The following CMTM4 variants were observed in gnomAD, a reference collection of about 807,000 sequenced individuals.
The protein encoded by CMTM4 is CKLF-like MARVEL transmembrane domain-containing protein 4.
Under a neutral mutation model 19.0 loss-of-function variants are expected in CMTM4, and 8 were observed. The ratio of observed to expected loss-of-function variants is 0.42; its 90% confidence interval spans 0.25 to 0.76. CMTM4 has a LOEUF of 0.76. Among genes scored for constraint, CMTM4 ranks in the 30% least tolerant of loss-of-function variants. The pLI, the probability that CMTM4 is intolerant of heterozygous loss-of-function variation, is 0.27. For missense variants in CMTM4, 228 were observed against 290.2 expected, an observed-to-expected ratio of 0.79 and a Z score of 1.56; for synonymous variants, 106 against 121.1, an observed-to-expected ratio of 0.88 and a Z score of 0.82.
At chr16:66,653,237 G>T (rs978326675) in intron 1 of CMTM4, among the ~76,000 whole-genome samples, 1 of 152,284 alleles carries the variant, frequency 6.6e-6, no homozygotes, top group East Asian at 1.9e-4. Flanking sequence ...CTCATTGAAT[G>T]AGAAACGAGC....
rs912398828 is a variant in CMTM4, at chr16:66,616,059, C to T, written c.*5999G>A. 1.1e-4 allele frequency: 16 copies of T among 151,590 alleles called. No individual in the cohort carries two copies. The highest frequency in any genetic ancestry group is 6.6e-4 in the Admixed American group (10 of 15,236). The allele number at this position is 151,590 out of a possible 1,614,324, so 9.4% of individuals were successfully genotyped here. ...TTTTTTTTCTTCTTTAAAATACATA[C>T]GAAGTGTAAAGAGAAAATGGCCAAA... On this transcript the variant is annotated 3_prime_UTR_variant, in exon 4 of 4. Coordinates refer to ENST00000394106, the MANE Select transcript of CMTM4 (RefSeq NM_181521.3).
At chr16:66,608,654 G>A in the CMTM4 span, among the ~76,000 whole-genome samples, 13 of 152,220 alleles carry the variant, frequency 8.5e-5, no homozygotes, top group Non-Finnish European at 1.9e-4. This position sits in a 1 kb window ranked among gnomAD's most constrained non-coding sequence, Gnocchi z 5.1. Flanking sequence ...GACCTCAAGT[G>A]GGCTGTGGTG....
At chr16:66,640,231 C>A (rs796684097) in intron 1 of CMTM4, among the ~76,000 whole-genome samples, 13 of 152,130 alleles carry the variant, frequency 8.5e-5, no homozygotes, top group South Asian at 6.2e-4. Context: ...AGCCTGGGGG[C>A]GGAGGTTGCA....
At chr16:66,645,023 C>T in intron 1 of CMTM4, among the ~76,000 whole-genome samples, 1 of 152,208 alleles carries the variant, frequency 6.6e-6, no homozygotes, top group Non-Finnish European at 1.5e-5. Flanking sequence ...GTGGCTCATG[C>T]CTGTAATCCC....
At chr16:66,601,091 GTGTGTGTGTGTGTGTC>G in the CMTM4 span, among the ~76,000 whole-genome samples, 4 of 148,706 alleles carry the variant, frequency 2.7e-5, no homozygotes, top group Non-Finnish European at 5.9e-5. Context: ...GTTTGTGTGT[GTGTGTGTGTGTGTGTC>G]TGTGTGTGTG....
intron 3 of CMTM4, among the ~76,000 whole-genome samples, chr16:66,623,122 A>C (rs1239039695): frequency 6.6e-6 from 1 of 152,246 alleles, no homozygotes; most frequent in African/African-American, 2.4e-5. Flanking sequence ...CTTGAACTTG[A>C]GAGCACATCT....
chr16:66,683,195 A>ATATATATATATATATACG (rs2016969013), intron 1 of CMTM4, among the ~76,000 whole-genome samples: 2 of 90,388 alleles, frequency 2.2e-5, no homozygotes, highest in Non-Finnish European at 4.4e-5. Flanking sequence ...ATATATATAC[A>ATATATATATATATATACG]TATATATATA....
chr16:66,609,890 G>C (rs1329607784), downstream of CMTM4: 1 of 1,614,150 alleles, frequency 6.2e-7, no homozygotes, highest in South Asian at 1.1e-5. This position sits in a 1 kb window ranked among gnomAD's most constrained non-coding sequence, Gnocchi z 4.4. Flanking sequence ...CAGGTGTTTG[G>C]CTTCTTTGCT....
chr16:66,681,014 T>A (rs1307169481), intron 1 of CMTM4, among the ~76,000 whole-genome samples: 1 of 152,102 alleles, frequency 6.6e-6, no homozygotes, highest in African/African-American at 2.4e-5. Flanking sequence ...AAGCCACACA[T>A]GCAACTGAAA....
At chr16:66,676,992 G>A (rs2016820367) in intron 1 of CMTM4, among the ~76,000 whole-genome samples, 1 of 152,188 alleles carries the variant, frequency 6.6e-6, no homozygotes, top group African/African-American at 2.4e-5. Context: ...GCTCATGCCT[G>A]TAATCCCAGT....
In CMTM4 at chr16:66,661,736, C is replaced by T. The variant is rs538898615; in HGVS notation, c.187-25155G>A. 6.6e-5 allele frequency among the ~76,000 whole-genome samples: 10 copies of T among 152,172 alleles called. No homozygotes were observed. The South Asian group carries it at 1.9e-3, about 28-fold the overall frequency. On this transcript the variant is annotated intron_variant, in intron 1 of 3. Transcript: ENST00000394106. ...CCTGAGGTCAGAAGTTCAAGACCAG[C>T]CTGGCCAACACGGTGAAACCCCCAT...
chr16:66,624,404 T>G (rs1322717044), intron 2 of CMTM4, among the ~76,000 whole-genome samples: 1 of 152,262 alleles, frequency 6.6e-6, no homozygotes, highest in Non-Finnish European at 1.5e-5. Context: ...AGTGCCAGGC[T>G]GATTACACTA....
intron 1 of CMTM4, among the ~76,000 whole-genome samples, chr16:66,682,873 A>G (rs894710718): frequency 1.3e-5 from 2 of 152,018 alleles, no homozygotes; most frequent in African/African-American, 4.8e-5. Flanking sequence ...AAAGCAGACA[A>G]CTTCAATAAT....
At chr16:66,683,195 A>G (rs139016124) in intron 1 of CMTM4, among the ~76,000 whole-genome samples, 6,005 of 90,240 alleles carry the variant, frequency 0.067, 223 homozygotes, top group Non-Finnish European at 0.087. Flanking sequence ...ATATATATAC[A>G]TATATATATA....
intron 1 of CMTM4, among the ~76,000 whole-genome samples, chr16:66,658,854 T>C (rs775949653): frequency 1.9e-4 from 29 of 152,178 alleles, no homozygotes; most frequent in South Asian, 4.1e-4. Flanking sequence ...TCAGTAGCTA[T>C]TAAAGCCACC....
Position 66,683,133 on chromosome 16 carries a change from A to ATATATATATGTATATATATATACG in CMTM4, c.186+13206_186+13207insCGTATATATATATACATATATATA, listed in dbSNP as rs2016948687. On this transcript the variant is annotated intron_variant, in intron 1 of 3. Transcript: ENST00000394106. ...GTTGTGTGTGTGTGTGTGTGTGTAT[A>ATATATATATGTATATATATATACG]TATATATATATATGTATATATATAT... 7.7e-5 allele frequency among the ~76,000 whole-genome samples: 10 copies of ATATATATATGTATATATATATACG among 129,564 alleles called. 1 individual carries two copies. Among genetic ancestry groups the ATATATATATGTATATATATATACG allele is most frequent in the African/African-American group, 2.9e-4 (10 of 34,080 alleles). 85.0% of individuals were successfully genotyped at this position (129,564 alleles called of 152,430 possible).
chr16:66,633,783 A>G (rs188443261), intron 2 of CMTM4, among the ~76,000 whole-genome samples: 1 of 149,616 alleles, frequency 6.7e-6, no homozygotes, highest in East Asian at 2.0e-4. Flanking sequence ...GCACCACTGC[A>G]CTCCAGCCTG....
At chr16:66,676,460 G>T (rs1216227413) in intron 1 of CMTM4, among the ~76,000 whole-genome samples, 1 of 152,080 alleles carries the variant, frequency 6.6e-6, no homozygotes, top group Non-Finnish European at 1.5e-5. Context: ...GGGAAAGAAT[G>T]CGACCCTGAG....
chr16:66,693,398 A>T (rs554881353), intron 1 of CMTM4, among the ~76,000 whole-genome samples: 1 of 152,270 alleles, frequency 6.6e-6, no homozygotes, highest in African/African-American at 2.4e-5. Flanking sequence ...TTAAAAGTCA[A>T]ATTTTTCTCC....
Sources: gnomAD v4.1 joint callset for allele counts (sites outside exome capture counted in the v4.1 genomes callset) on GRCh38, gnomAD v4.1.1 for gene constraint, Gnocchi (gnomAD v3.1) non-coding constraint, MANE v1.5 for transcripts, NCBI Gene and HGNC (gene_info 2026-07-23, HGNC 2026-07-21) for gene names.